Variants in MAGI2 observed in about 807,000 individuals in gnomAD.
The protein encoded by MAGI2 is membrane associated guanylate kinase, WW and PDZ domain containing 2.
A neutral mutation model predicts 133.3 loss-of-function variants in MAGI2; 35 were observed. That is an observed-to-expected ratio of 0.26 (90% CI 0.20 to 0.35). The LOEUF (loss-of-function observed/expected upper bound fraction) is 0.35, where lower values mean the gene tolerates loss of function less well. Among genes scored for constraint, MAGI2 ranks in the 10% least tolerant of loss-of-function variants. MAGI2 has a pLI of 1.00. For synonymous variants in MAGI2, 729 were observed against 710.6 expected (o/e 1.03, Z -0.41); for missense variants, 1,636 against 1,863.4 (o/e 0.88, Z 2.25).
In MAGI2 at chr7:79,446,472, A is replaced by AT. The variant is rs142713151; in HGVS notation, c.301+6547dup. Among the ~76,000 whole-genome samples, 115 of 150,338 alleles carry AT rather than the reference A, an allele frequency of 7.6e-4. 1 individual carries two copies. Among genetic ancestry groups the AT allele is most frequent in the African/African-American group, 2.1e-3 (86 of 41,024 alleles). ...TCAAACTGCCATGGTTTTGACAGTGATTTTTTTTTTAAAGTAAGCCAAAAT... is the reference window on the plus strand; with the variant it reads ...TCAAACTGCCATGGTTTTGACAGTGATTTTTTTTTTTAAAGTAAGCCAAAAT... On this transcript the variant is annotated intron_variant, in intron 1 of 21. Transcript: ENST00000354212.
chr7:78,437,958 A>T (rs1787210705), intron 6 of MAGI2, among the ~76,000 whole-genome samples: 2 of 152,176 alleles, frequency 1.3e-5, no homozygotes, highest in South Asian at 4.1e-4. Flanking sequence ...ATGTCAAATG[A>T]AGTAATAAAA....
At chr7:78,739,180 A>G (rs920141457) in intron 2 of MAGI2, among the ~76,000 whole-genome samples, 1 of 152,162 alleles carries the variant, frequency 6.6e-6, no homozygotes, top group Non-Finnish European at 1.5e-5. Flanking sequence ...AACAAAACAG[A>G]GAAAAGTCGA....
chr7:78,474,952 A>T (rs1307951426), intron 6 of MAGI2, among the ~76,000 whole-genome samples: 2 of 150,998 alleles, frequency 1.3e-5, no homozygotes, highest in Non-Finnish European at 3.0e-5. Flanking sequence ...GTTGTAAAAT[A>T]AAAAAAAACC....
In MAGI2 at chr7:78,177,729, C is replaced by T. The variant is rs1397791256; in HGVS notation, c.2403+282G>A. Among the ~76,000 whole-genome samples, 4 of 152,026 alleles carry T rather than the reference C, an allele frequency of 2.6e-5. 1 individual carries two copies. The South Asian group carries it at 8.3e-4, about 32-fold the overall frequency. On this transcript the variant is annotated intron_variant, in intron 14 of 21. Transcript: ENST00000354212. ...ACCCAAAGATACCAGGGGTTCAGTGCAATTAGATAACGAAAATACTCAAGA... is the reference window on the plus strand; with the variant it reads ...ACCCAAAGATACCAGGGGTTCAGTGTAATTAGATAACGAAAATACTCAAGA...
intron 9 of MAGI2, among the ~76,000 whole-genome samples, chr7:78,295,124 A>C (rs1010111454): frequency 6.6e-6 from 1 of 152,150 alleles, no homozygotes; most frequent in African/African-American, 2.4e-5. Flanking sequence ...TTTGTGCAGT[A>C]CCTTTAATAT....
rs546152118 is a variant in MAGI2 at position 78,319,906 on chromosome 7, G to T, written c.1408+23872C>A. On this transcript the variant is annotated intron_variant, in intron 9 of 21. Transcript: ENST00000354212. Reference sequence around the variant, plus strand: ...GACTAATAAAGACGAAAAGAGAGAAGAATCAAATAGATGCAATAAAATATG... The same window carrying T: ...GACTAATAAAGACGAAAAGAGAGAATAATCAAATAGATGCAATAAAATATG... Among the ~76,000 whole-genome samples, 8 of 151,874 alleles carry T rather than the reference G, an allele frequency of 5.3e-5. No individual in the cohort carries two copies. In the South Asian group the frequency reaches 1.7e-3, roughly 32 times the overall value.
intron 3 of MAGI2, among the ~76,000 whole-genome samples, chr7:78,612,321 T>G (rs2150913338): frequency 6.6e-6 from 1 of 152,234 alleles, no homozygotes; most frequent in Admixed American, 6.5e-5. Context: ...TCTCAAATTT[T>G]ATGTAATAGA....
At chr7:79,351,342 C>G (rs1233740992) in intron 1 of MAGI2, among the ~76,000 whole-genome samples, 1 of 152,118 alleles carries the variant, frequency 6.6e-6, no homozygotes, top group Admixed American at 6.6e-5. Flanking sequence ...TCTCTGTTCA[C>G]AAACTTTAAT....
At chr7:79,328,793 A>G (rs377663588) in intron 1 of MAGI2, among the ~76,000 whole-genome samples, 1 of 152,046 alleles carries the variant, frequency 6.6e-6, no homozygotes, top group South Asian at 2.1e-4. Context: ...CTCTCTCTCT[A>G]TTTTTCTTGT....
intron 2 of MAGI2, among the ~76,000 whole-genome samples, chr7:78,882,086 C>CAAAAAAAAA (rs771918590): frequency 0.014 from 174 of 12,448 alleles, 18 homozygotes; most frequent in Non-Finnish European, 0.016. Context: ...ACAACAACAA[C>CAAAAAAAAA]AAAAAAAAAA....
At chr7:78,974,322 C>G (rs1328470903) in intron 2 of MAGI2, among the ~76,000 whole-genome samples, 1 of 151,772 alleles carries the variant, frequency 6.6e-6, no homozygotes, top group Non-Finnish European at 1.5e-5. Context: ...AATTTTTTCT[C>G]TAGTGTGGCT....
At chr7:79,241,791 C>T (rs1832438617) in intron 1 of MAGI2, among the ~76,000 whole-genome samples, 1 of 152,126 alleles carries the variant, frequency 6.6e-6, no homozygotes, top group Non-Finnish European at 1.5e-5. Flanking sequence ...TAAGATTGGT[C>T]TTTTGAGATG....
chr7:78,258,376 T>C (rs1793201913), intron 9 of MAGI2, among the ~76,000 whole-genome samples: 1 of 152,232 alleles, frequency 6.6e-6, no homozygotes, highest in Non-Finnish European at 1.5e-5. Flanking sequence ...TCTTTTAGTT[T>C]TAATGTTATA....
chr7:78,424,681 G>C (rs1046648780), intron 6 of MAGI2, among the ~76,000 whole-genome samples: 2 of 152,164 alleles, frequency 1.3e-5, no homozygotes, highest in African/African-American at 2.4e-5. Flanking sequence ...TCTTGTATCA[G>C]CATGACCTGG....
chr7:78,432,187 C>A (rs1438412358), intron 6 of MAGI2, among the ~76,000 whole-genome samples: 1 of 150,234 alleles, frequency 6.7e-6, no homozygotes, highest in Non-Finnish European at 1.5e-5. Context: ...CATTAGAACA[C>A]ATAATCCAGT....
chr7:78,361,437 C>T (rs950277351), intron 7 of MAGI2, among the ~76,000 whole-genome samples: 1 of 151,196 alleles, frequency 6.6e-6, no homozygotes, highest in African/African-American at 2.4e-5. Flanking sequence ...CCCCTCCCCC[C>T]CACAAAATGT....
chr7:79,158,800 G>T (rs1413554937), intron 1 of MAGI2, among the ~76,000 whole-genome samples: 1 of 151,728 alleles, frequency 6.6e-6, no homozygotes, highest in Non-Finnish European at 1.5e-5. Flanking sequence ...AAAGCAATCA[G>T]GTAAATGGAA....
chr7:78,389,527 G>C (rs1335609648), intron 6 of MAGI2, among the ~76,000 whole-genome samples: 1 of 152,190 alleles, frequency 6.6e-6, no homozygotes, highest in African/African-American at 2.4e-5. Flanking sequence ...GTCCGCTGTG[G>C]CACTGGGAGA....
chr7:79,203,175 T>A (rs1320392834), intron 1 of MAGI2, among the ~76,000 whole-genome samples: 1 of 152,088 alleles, frequency 6.6e-6, no homozygotes. Flanking sequence ...CTAACACTAG[T>A]ACACACTACC....
Sources: allele counts gnomAD v4.1 joint callset (sites outside exome capture counted in the v4.1 genomes callset), GRCh38; gene constraint gnomAD v4.1.1; transcripts MANE v1.5; gene names NCBI Gene and HGNC (gene_info 2026-07-23, HGNC 2026-07-21).